Variants in DNAH12 observed in about 807,000 individuals in gnomAD.
DNAH12 encodes the protein axonemal beta dynein heavy chain 12.
In DNAH12, 285 loss-of-function variants were observed where a neutral mutation model predicts 371.5. The observed-to-expected ratio is 0.77, with a 90% CI of 0.70 to 0.85. The LOEUF (loss-of-function observed/expected upper bound fraction) is 0.85, where lower values mean the gene tolerates loss of function less well. DNAH12 is among the 40% of genes least tolerant of loss of function. The pLI, the probability that DNAH12 is intolerant of heterozygous loss-of-function variation, is 0.00. For synonymous variants in DNAH12, 1,200 were observed against 1,213.0 expected, an observed-to-expected ratio of 0.99 and a Z score of 0.22; for missense variants, 3,611 against 3,689.4, an observed-to-expected ratio of 0.98 and a Z score of 0.55.
upstream of DNAH12, among the ~76,000 whole-genome samples, chr3:57,547,048 A>T (rs2069585638): frequency 6.6e-6 from 1 of 152,180 alleles, no homozygotes; most frequent in Non-Finnish European, 1.5e-5. Context: ...AACTCCAAAC[A>T]GCAGCTGGGT....
chr3:57,458,305 A>G, intron 20 of DNAH12, 85 bp from the exon 21 acceptor site: 1 of 1,354,476 alleles, frequency 7.4e-7, no homozygotes, highest in Non-Finnish European at 9.6e-7. Context: ...ATATGTTAAA[A>G]TCTTTTAATG....
intron 29 of DNAH12, among the ~76,000 whole-genome samples, chr3:57,439,677 A>G (rs1388414885): frequency 6.6e-6 from 1 of 152,150 alleles, no homozygotes; most frequent in Non-Finnish European, 1.5e-5. Flanking sequence ...CAAAAACAAA[A>G]ACTGACAAGT....
At chr3:57,449,467 G>T (rs930827167) in intron 25 of DNAH12, among the ~76,000 whole-genome samples, 9 of 152,362 alleles carry the variant, frequency 5.9e-5, no homozygotes, top group Non-Finnish European at 1.3e-4. Context: ...GGCATGGCGG[G>T]CTGCAGGTCC....
intron 57 of DNAH12, among the ~76,000 whole-genome samples, chr3:57,364,397 C>T (rs1199814370): frequency 6.6e-6 from 1 of 152,066 alleles, no homozygotes; most frequent in Non-Finnish European, 1.5e-5. Flanking sequence ...TTTATTAGAC[C>T]ACTTGATAAT....
rs569130982 is a variant in DNAH12, at chr3:57,326,830, A to T, written c.9979-3211T>A. ...CAGGAAACCCATCTCATGTGCAGAG[A>T]CACACATAGGCTCAAAATAAAAGGA... On this transcript the variant is annotated intron_variant, in intron 62 of 73. Coordinates refer to ENST00000495027, the MANE Select transcript of DNAH12 (RefSeq NM_001366028.2). Among the ~76,000 whole-genome samples the T allele has an allele frequency of 5.3e-3, 803 of 152,326 alleles. 3 individuals are homozygous for T. The highest frequency in any genetic ancestry group is 8.1e-3 in the Admixed American group (124 of 15,304).
chr3:57,381,232 G>A (rs1257164099), intron 50 of DNAH12, among the ~76,000 whole-genome samples: 1 of 86,534 alleles, frequency 1.2e-5, no homozygotes. Flanking sequence ...AAGCCTGATA[G>A]GGAGGTGTGT....
chr3:57,309,771 G>C lies in DNAH12; in HGVS notation c.10980C>G (p.Thr3660=). 1 of 1,551,300 alleles carries C rather than the reference G, an allele frequency of 6.4e-7. No homozygotes were observed. The highest frequency in any genetic ancestry group is 8.7e-7 in the Non-Finnish European group (1 of 1,146,840). ...GGGTGAGGAGCAAGGACTCAAAGAG[G>C]GTTTTTGTTTGTTGAAGATCCTTGG... The part of the protein sequence containing the change: ...DISKDLQQTK[T]LFESLLLTQG... The change falls in exon 68 of 74, where the codon ACC becomes ACG. Residue 3660 remains threonine, a synonymous_variant. Transcript: ENST00000495027.
intron 13 of DNAH12, among the ~76,000 whole-genome samples, chr3:57,477,323 A>T (rs1402297351): frequency 1.3e-5 from 2 of 152,094 alleles, no homozygotes; most frequent in East Asian, 1.9e-4. Context: ...AGCCTCACTC[A>T]TTGCTAGCAC....
At chr3:57,369,215 C>T (rs1226298267) in intron 55 of DNAH12, among the ~76,000 whole-genome samples, 22 of 53,580 alleles carry the variant, frequency 4.1e-4, no homozygotes, top group Non-Finnish European at 1.2e-3. Flanking sequence ...GATTGAAACT[C>T]CATTAAAAAA....
At chr3:57,377,280 T>C (rs2153339798) in intron 52 of DNAH12, 58 bp from the exon 53 acceptor site, 2 of 152,272 alleles carry the variant, frequency 1.3e-5, no homozygotes, top group South Asian at 4.1e-4. Flanking sequence ...GATATCTATA[T>C]AATTCCTCCC....
At chr3:57,521,965 T>G (rs767626229) in intron 4 of DNAH12, among the ~76,000 whole-genome samples, 13 of 152,018 alleles carry the variant, frequency 8.6e-5, no homozygotes, top group African/African-American at 2.9e-4. Context: ...GTCTCACACC[T>G]GTAATCCCAT....
intron 72 of DNAH12, 145 bp downstream of exon 72, chr3:57,296,199 C>T: frequency 1.9e-6 from 1 of 513,738 alleles, no homozygotes; most frequent in Non-Finnish European, 3.3e-6. Context: ...CATCAGTTGC[C>T]CCAGCTTGAC....
rs2066399173 is a variant in DNAH12 at position 57,472,640 on chromosome 3, T to C, written c.1682A>G (p.Asp561Gly). 1 of 1,550,944 alleles carries C rather than the reference T, an allele frequency of 6.4e-7. No homozygotes were observed. The highest frequency in any genetic ancestry group is 8.7e-7 in the Non-Finnish European group (1 of 1,146,702). Residue 561 changes from aspartate (D) to glycine (G), a missense_variant, in exon 14 of 74, where the codon GAT (aspartate) becomes GGT (glycine). Physicochemically the swap from Asp to Gly is moderately conservative, Grantham distance 94. Transcript: ENST00000495027. ...ESKRQMSYFL[D>G]VFLFPQEDLA... ...GTCTTCTTGAGGAAATAGGAAAACA[T>C]CTAAAAAGTAACTCATTTGGCGTTT...
At chr3:57,447,182 T>C (rs935441495) in intron 25 of DNAH12, among the ~76,000 whole-genome samples, 4 of 152,256 alleles carry the variant, frequency 2.6e-5, no homozygotes, top group African/African-American at 9.6e-5. Flanking sequence ...TTCTCCATTT[T>C]CTACATTCCC....
chr3:57,509,739 G>A (rs934945765), intron 5 of DNAH12, among the ~76,000 whole-genome samples: 1 of 151,788 alleles, frequency 6.6e-6, no homozygotes, highest in South Asian at 2.1e-4. Flanking sequence ...GCAGGCGCCT[G>A]TAGTCCCAGC....
the DNAH12 span, among the ~76,000 whole-genome samples, chr3:57,551,515 C>T: frequency 6.6e-6 from 1 of 152,090 alleles, no homozygotes; most frequent in Non-Finnish European, 1.5e-5. Context: ...TCGTGATCCG[C>T]CCGCCTTGGC....
chr3:57,525,507 T>C (rs771174660), intron 2 of DNAH12, among the ~76,000 whole-genome samples: 2 of 152,074 alleles, frequency 1.3e-5, no homozygotes, highest in Non-Finnish European at 2.9e-5. Context: ...GAGGTGGCAG[T>C]CATCACTTTA....
intron 34 of DNAH12, 39 bp downstream of exon 34, chr3:57,428,594 A>G: frequency 6.6e-7 from 1 of 1,510,458 alleles, no homozygotes; most frequent in South Asian, 1.3e-5. Flanking sequence ...TTGAATGGAA[A>G]CAAAGAAACT....
intron 70 of DNAH12, among the ~76,000 whole-genome samples, chr3:57,301,265 CAAAAAAAAAAAAAAAAAAA>C (rs71088054): frequency 0.07 from 3,005 of 43,134 alleles, 83 homozygotes; most frequent in South Asian, 0.15. Flanking sequence ...GACCCTGTCT[CAAAAAAAAAAAAAAAAAAA>C]AAAAAAAAAA....
Sources: allele counts gnomAD v4.1 joint callset (sites outside exome capture counted in the v4.1 genomes callset), GRCh38; gene constraint gnomAD v4.1.1; transcripts MANE v1.5; gene names NCBI Gene and HGNC (gene_info 2026-07-23, HGNC 2026-07-21).